MBP: variants seen among roughly 807,000 people sequenced by gnomAD.
MBP encodes the protein Golli-MBP.
In MBP, 16 loss-of-function variants were observed where a neutral mutation model predicts 35.8. The ratio of observed to expected loss-of-function variants is 0.45; its 90% CI spans 0.30 to 0.68. The LOEUF (loss-of-function observed/expected upper bound fraction) is 0.68, where lower values mean the gene tolerates loss of function less well. MBP is among the 30% of genes least tolerant of loss of function. MBP has a pLI of 0.08. For missense variants in MBP, 380 were observed against 404.7 expected, an observed-to-expected ratio of 0.94 and a Z score of 0.52; for synonymous variants, 143 against 159.6, an observed-to-expected ratio of 0.90 and a Z score of 0.78.
At chr18:77,103,335 G>C (rs1976119189) in intron 2 of MBP, among the ~76,000 whole-genome samples, 1 of 152,176 alleles carries the variant, frequency 6.6e-6, no homozygotes, top group African/African-American at 2.4e-5. Flanking sequence ...TAAAGCATCT[G>C]GGTGTAAGTC....
At chr18:77,014,789 C>T (rs958448579) in intron 4 of MBP, 4 of 985,176 alleles carry the variant, frequency 4.1e-6, no homozygotes, top group South Asian at 4.7e-5. Flanking sequence ...TGTGATCACA[C>T]GTGCAAATGT....
At chr18:77,069,118 G>A in intron 2 of MBP, 1 of 455,514 alleles carries the variant, frequency 2.2e-6, no homozygotes, top group Non-Finnish European at 4.4e-6. Context: ...TGAATACTGT[G>A]AGAACAAGAA....
At chr18:77,078,638 T>C (rs1974758659) in intron 2 of MBP, among the ~76,000 whole-genome samples, 1 of 152,244 alleles carries the variant, frequency 6.6e-6, no homozygotes, top group African/African-American at 2.4e-5. Context: ...CTCTGGAAGT[T>C]GTCACATGAG....
chr18:77,133,502 T>C (rs71361001), upstream of MBP: 16,327 of 152,344 alleles, frequency 0.11, 1,092 homozygotes, highest in Non-Finnish European at 0.15. Context: ...GCCTGCTGTT[T>C]AGCCGTGACT....
At chr18:77,105,911 A>G (rs1018997290) in intron 1 of MBP, among the ~76,000 whole-genome samples, 3 of 152,202 alleles carry the variant, frequency 2.0e-5, no homozygotes, top group African/African-American at 7.2e-5. Context: ...TTAGCAGCAC[A>G]TTTATGATTT....
At chr18:77,037,009 G>T (rs959150171) in intron 3 of MBP, among the ~76,000 whole-genome samples, 1 of 137,748 alleles carries the variant, frequency 7.3e-6, no homozygotes, top group African/African-American at 2.8e-5. Flanking sequence ...CTGAGCAAGT[G>T]CTGGTCACAT....
At chr18:76,986,966 GGA>G in intron 7 of MBP, 1 of 985,454 alleles carries the variant, frequency 1.0e-6, no homozygotes, top group Non-Finnish European at 1.2e-6. Context: ...CTCCAGACAA[GGA>G]GAGAGTCCTG....
At chr18:77,122,046 T>G (rs1446889939) in intron 1 of MBP, among the ~76,000 whole-genome samples, 1 of 152,158 alleles carries the variant, frequency 6.6e-6, no homozygotes, top group Non-Finnish European at 1.5e-5. Context: ...TTCTGATTGG[T>G]GGAGAACAGA....
At chr18:77,013,402 G>A in intron 4 of MBP, 1 of 985,396 alleles carries the variant, frequency 1.0e-6, no homozygotes, top group South Asian at 4.7e-5. Context: ...CGCCCCATGG[G>A]ATTACAGAAC....
At chr18:77,075,503 A>T (rs1445470815) in intron 2 of MBP, among the ~76,000 whole-genome samples, 1 of 152,212 alleles carries the variant, frequency 6.6e-6, no homozygotes, top group Non-Finnish European at 1.5e-5. Context: ...CTGAAGGTGG[A>T]GTGGCGCTGA....
chr18:77,100,564 T>C (rs950891659), intron 2 of MBP, among the ~76,000 whole-genome samples: 2 of 150,154 alleles, frequency 1.3e-5, no homozygotes, highest in Non-Finnish European at 3.0e-5. Context: ...TTTTTTCTTT[T>C]TTTTGAGACA....
At position 77,032,347 on chromosome 18, in the gene MBP, G is replaced by A. The variant is rs1031302483; in HGVS notation, c.140-15079C>T. Reference sequence around the variant, plus strand: ...CATGTGGCTGCCTGCCAGGCTTCCCGCAGAGATTTCTTGAAAACTTTCCCA... The same window carrying A: ...CATGTGGCTGCCTGCCAGGCTTCCCACAGAGATTTCTTGAAAACTTTCCCA... On this transcript the variant is annotated intron_variant, in intron 3 of 8. Transcript: ENST00000355994. Among the ~76,000 whole-genome samples, 7 of 152,248 alleles carry A rather than the reference G, an allele frequency of 4.6e-5. No homozygotes were observed. The East Asian group carries it at 5.8e-4, about 13-fold the overall frequency.
chr18:77,086,314 A>C (rs1037880051), intron 2 of MBP, among the ~76,000 whole-genome samples: 7 of 152,324 alleles, frequency 4.6e-5, no homozygotes, highest in Non-Finnish European at 5.9e-5. Flanking sequence ...TGTTCCAAAG[A>C]GTTCATGCAT....
intron 2 of MBP, among the ~76,000 whole-genome samples, chr18:77,089,923 C>T (rs1242796060): frequency 1.3e-5 from 2 of 152,176 alleles, no homozygotes; most frequent in African/African-American, 4.8e-5. Context: ...AGAATGGCAT[C>T]TTCATCTGTG....
chr18:77,053,719 T>A (rs945072074), intron 3 of MBP, among the ~76,000 whole-genome samples: 4 of 152,198 alleles, frequency 2.6e-5, no homozygotes, highest in Non-Finnish European at 5.9e-5. Flanking sequence ...AAATGAAGTC[T>A]TTGAGACAGG....
intron 4 of MBP, among the ~76,000 whole-genome samples, chr18:76,999,504 G>C (rs990453213): frequency 2.0e-5 from 3 of 151,242 alleles, no homozygotes; most frequent in African/African-American, 7.3e-5. Context: ...TGTCCAGGCT[G>C]AAATGCAGTA....
chr18:77,047,242 C>T (rs571441735), intron 3 of MBP, among the ~76,000 whole-genome samples: 15 of 152,336 alleles, frequency 9.8e-5, no homozygotes, highest in African/African-American at 1.7e-4. Context: ...CCTGAACATC[C>T]GTGAGCTGAT....
intron 2 of MBP, among the ~76,000 whole-genome samples, chr18:77,071,442 T>C (rs1256746594): frequency 6.6e-6 from 1 of 152,190 alleles, no homozygotes; most frequent in African/African-American, 2.4e-5. Context: ...TTGTTGCTCT[T>C]CTGTTTTGTT....
At chr18:77,090,928 T>C (rs1236275781) in intron 2 of MBP, among the ~76,000 whole-genome samples, 1 of 151,996 alleles carries the variant, frequency 6.6e-6, no homozygotes, top group South Asian at 2.1e-4. Context: ...GGAGGAAGAG[T>C]TCCCGTGCTG....
Sources: allele counts gnomAD v4.1 joint callset (sites outside exome capture counted in the v4.1 genomes callset), GRCh38; gene constraint gnomAD v4.1.1; transcripts MANE v1.5; gene names NCBI Gene and HGNC (gene_info 2026-07-23, HGNC 2026-07-21).